CTDP1: variants seen among roughly 807,000 people sequenced by gnomAD.
The protein encoded by CTDP1 is CTD phosphatase 1, also known as RNA polymerase II subunit A C-terminal domain phosphatase.
In CTDP1, 47 loss-of-function variants were observed where a neutral mutation model predicts 91.8. The observed-to-expected ratio is 0.51, with a 90% CI of 0.41 to 0.65. The LOEUF (loss-of-function observed/expected upper bound fraction) is 0.65, where lower values mean the gene tolerates loss of function less well. CTDP1 is among the 30% of genes least tolerant of loss of function. The probability of loss-of-function intolerance (pLI) is 0.00; values close to 1 mark genes in which losing one functional copy is unlikely to be tolerated. For synonymous variants in CTDP1, 656 were observed against 598.5 expected (o/e 1.10, Z -1.40); for missense variants, 1,272 against 1,373.7 (o/e 0.93, Z 1.17).
chr18:79,696,177 C>T (rs961118357), intron 3 of CTDP1, 107 bp downstream of exon 3: 83 of 921,716 alleles, frequency 9.0e-5, no homozygotes, highest in Non-Finnish European at 1.3e-4. Context: ...TTGTCATCGT[C>T]GTTACTGAAA....
At chr18:79,744,599 T>C (rs550955351) in intron 12 of CTDP1, among the ~76,000 whole-genome samples, 39 of 152,296 alleles carry the variant, frequency 2.6e-4, no homozygotes, top group South Asian at 8.3e-4. Flanking sequence ...AAACAAAGAA[T>C]GCTTCTACAG....
intron 10 of CTDP1, among the ~76,000 whole-genome samples, chr18:79,724,000 G>A (rs2086396827): frequency 6.6e-6 from 1 of 152,244 alleles, no homozygotes; most frequent in Non-Finnish European, 1.5e-5. Flanking sequence ...TTCACCCTTT[G>A]AGGGATATTT....
Position 79,715,423 on chromosome 18 carries a change from C to CG in CTDP1, c.1966dup (p.Glu656GlyfsTer24). 1 of 1,599,514 alleles carries CG rather than the reference C, an allele frequency of 6.3e-7. No homozygotes were observed. The highest frequency in any genetic ancestry group is 8.5e-7 in the Non-Finnish European group (1 of 1,173,018). ...GACAAACTTCCCGATAGAGAAGACGCGGGAGCATTACCACGCCACGGCGCT... is the reference window on the plus strand; with the variant it reads ...GACAAACTTCCCGATAGAGAAGACGCGGGGAGCATTACCACGCCACGGCGCT... On this transcript the variant is annotated frameshift_variant, in exon 8 of 13. Coordinates refer to ENST00000613122, the MANE Select transcript of CTDP1 (RefSeq NM_004715.5). LOFTEE classifies it high-confidence loss of function.
At chr18:79,683,689 A>G (rs1009047852) in intron 1 of CTDP1, among the ~76,000 whole-genome samples, 2 of 152,226 alleles carry the variant, frequency 1.3e-5, no homozygotes, top group Admixed American at 6.5e-5. Flanking sequence ...GTGGCCACAC[A>G]GTTTTGGTCC....
intron 6 of CTDP1, 24 bp from the exon 7 acceptor site, chr18:79,712,948 T>C: frequency 2.5e-6 from 4 of 1,611,782 alleles, no homozygotes; most frequent in Non-Finnish European, 3.4e-6. Flanking sequence ...TTATTTTTTG[T>C]AAATTATGCA....
intron 12 of CTDP1, among the ~76,000 whole-genome samples, chr18:79,739,891 C>T (rs1343167244): frequency 0.21 from 26 of 122 alleles, 2 homozygotes; most frequent in Non-Finnish European, 0.31. Flanking sequence ...CTCATACCCA[C>T]GGCCGGGACG....
In CTDP1 at chr18:79,680,130, C is replaced by T; in HGVS notation, c.183C>T (p.Ser61=). 4 of 1,430,474 alleles carry T rather than the reference C, an allele frequency of 2.8e-6. No individual in the cohort carries two copies. The highest frequency in any genetic ancestry group is 3.1e-5 in the East Asian group (1 of 31,920). 88.6% of individuals were successfully genotyped at this position (1,430,474 alleles called of 1,614,324 possible). A position where few individuals can be genotyped will look rare whatever the true frequency, so the allele number is the denominator to read the frequency against. The change falls in exon 1 of 13, where the codon TCC becomes TCT. Residue 61 remains serine, a synonymous_variant. Coordinates refer to ENST00000613122, the MANE Select transcript of CTDP1 (RefSeq NM_004715.5). ...AGGCCGCCGCCTCCGCGCAGTCCTC[C>T]GGGGCCTCTCAGTCCCGTGTAGCCT... is the stretch of plus-strand genomic sequence containing the variant. ...VFEAAASAQS[S]GASQSRVASG...
At chr18:79,697,281 G>A (rs1232655601) in intron 3 of CTDP1, among the ~76,000 whole-genome samples, 7 of 152,324 alleles carry the variant, frequency 4.6e-5, no homozygotes, top group Non-Finnish European at 7.4e-5. Flanking sequence ...GAAAGGCAGC[G>A]TGGTGCGTCA....
At chr18:79,745,246 A>C (rs73972726) in intron 12 of CTDP1, among the ~76,000 whole-genome samples, 1 of 99,098 alleles carries the variant, frequency 1.0e-5, no homozygotes, top group South Asian at 3.2e-4. Context: ...CGTCCCTCCC[A>C]TGCGCGTTCT....
chr18:79,719,957 GTGA>G (rs1270690469), intron 10 of CTDP1, among the ~76,000 whole-genome samples: 2 of 145,854 alleles, frequency 1.4e-5, no homozygotes, highest in African/African-American at 2.6e-5. Flanking sequence ...AGGCATCCTG[GTGA>G]TGATGTCACC....
chr18:79,722,964 C>T (rs964782637), intron 10 of CTDP1, among the ~76,000 whole-genome samples: 7 of 152,206 alleles, frequency 4.6e-5, no homozygotes, highest in Non-Finnish European at 7.3e-5. Flanking sequence ...TGGTTTAATC[C>T]AAGAGTCCCC....
At chr18:79,736,249 C>T in intron 11 of CTDP1, 106 bp from the exon 12 acceptor site, 1 of 1,428,138 alleles carries the variant, frequency 7.0e-7, no homozygotes, top group South Asian at 1.2e-5. Flanking sequence ...TACCTCCAGC[C>T]CCCACCCTGC....
intron 10 of CTDP1, among the ~76,000 whole-genome samples, chr18:79,726,687 C>A (rs949042108): frequency 6.6e-6 from 1 of 150,596 alleles, no homozygotes; most frequent in East Asian, 2.0e-4. Flanking sequence ...GTTCCCCACA[C>A]GGCCTCTTTT....
intron 12 of CTDP1, among the ~76,000 whole-genome samples, chr18:79,741,633 T>C (rs1321246243): frequency 6.6e-6 from 1 of 152,238 alleles, no homozygotes; most frequent in African/African-American, 2.4e-5. Context: ...AGGCTTAGTT[T>C]CCTGACACGA....
In CTDP1 at chr18:79,754,221, C is replaced by A. The variant is rs2087060257; in HGVS notation, c.*431C>A. The A allele has an allele frequency of 4.0e-6, 1 of 251,136 alleles. No individual in the cohort carries two copies. The highest frequency in any genetic ancestry group is 5.1e-5 in the Admixed American group (1 of 19,690). 15.6% of individuals were successfully genotyped at this position (251,136 alleles called of 1,614,324 possible). On this transcript the variant is annotated 3_prime_UTR_variant, in exon 13 of 13. Coordinates refer to ENST00000613122, the MANE Select transcript of CTDP1 (RefSeq NM_004715.5). The stretch of plus-strand genomic sequence containing the variant: ...AGCTCCGAGCCCAGCACAGACATGC[C>A]TGGAACCCCCGCCGCCTGCTGCTCC...
chr18:79,716,409 T>C (rs909112226), intron 8 of CTDP1, among the ~76,000 whole-genome samples: 1 of 152,178 alleles, frequency 6.6e-6, no homozygotes, highest in African/African-American at 2.4e-5. Context: ...GAATCAAGGG[T>C]AAATGGAAGG....
At chr18:79,695,529 TG>T (rs1239868605) in intron 2 of CTDP1, among the ~76,000 whole-genome samples, 1 of 151,916 alleles carries the variant, frequency 6.6e-6, no homozygotes, top group Admixed American at 6.6e-5. Context: ...TCAGGTGTGG[TG>T]GGGGGGCATG....
chr18:79,695,630 C>A (rs2085731210), intron 2 of CTDP1, among the ~76,000 whole-genome samples: 1 of 152,234 alleles, frequency 6.6e-6, no homozygotes, highest in Non-Finnish European at 1.5e-5. Context: ...CTGAGCGCCC[C>A]ATGCTGGGGG....
Position 79,718,027 on chromosome 18 carries a change from G to T in CTDP1, c.2417+11G>T, listed in dbSNP as rs746199655. ...GCCCTCTTCCTTCAGGTACGTGGCG[G>T]CCCAGCCACTGTCCCCAGCTAATGA... On this transcript the variant is annotated intron_variant, in intron 10 of 12. Coordinates refer to ENST00000613122, the MANE Select transcript of CTDP1 (RefSeq NM_004715.5). 4.3e-6 allele frequency: 7 copies of T among 1,612,430 alleles called. No individual in the cohort carries two copies. The South Asian group carries it at 6.6e-5, about 15-fold the overall frequency.
Sources: gnomAD v4.1 joint callset for allele counts (sites outside exome capture counted in the v4.1 genomes callset) on GRCh38, gnomAD v4.1.1 for gene constraint, MANE v1.5 for transcripts, NCBI Gene and HGNC (gene_info 2026-07-23, HGNC 2026-07-21) for gene names.